The following AGAP5 variants were observed in gnomAD, a reference collection of about 807,000 sequenced individuals.
The protein encoded by AGAP5 is arf-GAP with GTPase, ANK repeat and PH domain-containing protein 5.
In AGAP5, 8 loss-of-function variants were observed where a neutral mutation model predicts 27.7. The ratio of observed to expected loss-of-function variants is 0.29; its 90% CI spans 0.17 to 0.52. The LOEUF (loss-of-function observed/expected upper bound fraction) is 0.52. Ranked by LOEUF, AGAP5 falls within the 20% of genes least tolerant of loss-of-function variation. The probability of loss-of-function intolerance (pLI) is 0.97; values close to 1 mark genes in which losing one functional copy is unlikely to be tolerated. For synonymous variants in AGAP5, 111 were observed against 338.0 expected (o/e 0.33, Z 7.37); for missense variants, 285 against 880.8 (o/e 0.32, Z 8.56).
At chr10:73,689,745 C>T (rs573930250) in intron 4 of AGAP5, among the ~76,000 whole-genome samples, 7 of 148,998 alleles carry the variant, frequency 4.7e-5, no homozygotes, top group Non-Finnish European at 8.9e-5. Context: ...GGAGCCCCTC[C>T]GCCTGGCAGC....
chr10:73,696,380 G>A (rs2082162437), intron 2 of AGAP5, among the ~76,000 whole-genome samples: 1 of 152,146 alleles, frequency 6.6e-6, no homozygotes, highest in Non-Finnish European at 1.5e-5. Context: ...GGACAAAGGG[G>A]GAGCCACGGC....
At chr10:73,692,374 A>C (rs2082126965) in intron 3 of AGAP5, among the ~76,000 whole-genome samples, 2 of 152,140 alleles carry the variant, frequency 1.3e-5, no homozygotes, top group Admixed American at 6.5e-5. Flanking sequence ...AGCTAATAAA[A>C]AGTTTAACTG....
intron 4 of AGAP5, among the ~76,000 whole-genome samples, chr10:73,688,312 A>G (rs3957128): frequency 2.6e-5 from 4 of 152,212 alleles, no homozygotes; most frequent in South Asian, 2.1e-4. Flanking sequence ...AAGATCCCCA[A>G]ATAATACACT....
chr10:73,689,051 G>A (rs1425546505), intron 4 of AGAP5, among the ~76,000 whole-genome samples: 5 of 152,148 alleles, frequency 3.3e-5, no homozygotes, highest in Non-Finnish European at 7.3e-5. Flanking sequence ...AAGCTGGACC[G>A]TACTGCTGCC....
intron 2 of AGAP5, among the ~76,000 whole-genome samples, chr10:73,696,235 C>A (rs1351637422): frequency 6.6e-6 from 1 of 151,936 alleles, no homozygotes; most frequent in South Asian, 2.1e-4. Context: ...CCAGGCTGGT[C>A]TCGAACTCCT....
chr10:73,687,964 G>A (rs1326074216), intron 4 of AGAP5, among the ~76,000 whole-genome samples: 3 of 152,092 alleles, frequency 2.0e-5, no homozygotes, highest in Non-Finnish European at 4.4e-5. Flanking sequence ...CTAAAGGCAG[G>A]TTGTGAACTT....
At chr10:73,687,089 TCA>T (rs1381923754) in intron 4 of AGAP5, among the ~76,000 whole-genome samples, 1 of 152,000 alleles carries the variant, frequency 6.6e-6, no homozygotes, top group Non-Finnish European at 1.5e-5. Context: ...CTTAGTCATG[TCA>T]CCAAATGCCA....
At chr10:73,690,014 C>T (rs1218035624) in intron 4 of AGAP5, among the ~76,000 whole-genome samples, 1 of 151,892 alleles carries the variant, frequency 6.6e-6, no homozygotes, top group African/African-American at 2.4e-5. Context: ...TGGCCAGCCG[C>T]CCTGTCCGGG....
chr10:73,691,119 C>CTTAACGATA (rs2082115020), intron 4 of AGAP5, among the ~76,000 whole-genome samples: 1 of 152,140 alleles, frequency 6.6e-6, no homozygotes, highest in Non-Finnish European at 1.5e-5. Context: ...CCAGAGGCTA[C>CTTAACGATA]TTAACGATAT....
At position 73,697,721 on chromosome 10, in the gene AGAP5, C is replaced by T; in HGVS notation, c.35G>A (p.Ser12Asn). Reference sequence around the variant, plus strand: ...TTGCTGGTCAAACTCGAGGCTGACGCTAGGGTGCACACAACAGGTCAGTAT... The same window carrying T: ...TTGCTGGTCAAACTCGAGGCTGACGTTAGGGTGCACACAACAGGTCAGTAT... ...GNILTCCVHP[S>N]VSLEFDQQQG... The change falls in exon 1 of 8, where the codon AGC becomes AAC. Residue 12 changes from serine to asparagine, a missense_variant. Ser to Asn is a conservative substitution (Grantham distance 46). Coordinates refer to ENST00000374094, the MANE Select transcript of AGAP5 (RefSeq NM_001144000.4). 3 of 1,597,878 alleles carry T rather than the reference C, an allele frequency of 1.9e-6. No homozygotes were observed. The highest frequency in any genetic ancestry group is 2.5e-6 in the Non-Finnish European group (3 of 1,179,782).
At chr10:73,678,967 C>T (rs548185003) in intron 6 of AGAP5, among the ~76,000 whole-genome samples, 4,433 of 151,252 alleles carry the variant, frequency 0.029, 69 homozygotes, top group Non-Finnish European at 0.045. Flanking sequence ...GATTCTCCTG[C>T]CTCAGCCTCC....
rs1360864982 is a variant in AGAP5, at chr10:73,697,782, C to T, written c.-27G>A. 2 of 1,596,978 alleles carry T rather than the reference C, an allele frequency of 1.3e-6. No homozygotes were observed. Among genetic ancestry groups the T allele is most frequent in the East Asian group, 4.5e-5 (2 of 44,872 alleles). ...GGGCGCCTCTACTGTCTGCCACCACCTGTGCCTCTGCTCACAGCTTTGGCC... is the reference window on the plus strand; with the variant it reads ...GGGCGCCTCTACTGTCTGCCACCACTTGTGCCTCTGCTCACAGCTTTGGCC... On this transcript the variant is annotated 5_prime_UTR_variant, in exon 1 of 8. Coordinates refer to ENST00000374094, the MANE Select transcript of AGAP5 (RefSeq NM_001144000.4).
chr10:73,697,300 G>C, intron 1 of AGAP5, 137 bp from the exon 2 acceptor site: 7 of 1,458,424 alleles, frequency 4.8e-6, no homozygotes, highest in Non-Finnish European at 5.5e-6. Flanking sequence ...TGAGATGAGA[G>C]AGCAAGAACT....
chr10:73,680,257 CATTTCTTTGTTTTT>C (rs2082013435), intron 5 of AGAP5, among the ~76,000 whole-genome samples, 151 bp from the exon 6 acceptor site: 2 of 127,580 alleles, frequency 1.6e-5, no homozygotes, highest in Non-Finnish European at 3.3e-5. Flanking sequence ...ACTTTGTTTT[CATTTCTTTGTTTTT>C]TACAAAAATA....
chr10:73,697,629 C>G lies in AGAP5; in HGVS notation c.127G>C (p.Ala43Pro), dbSNP rs2082172648. The part of the protein sequence containing the change: ...EAGAGDRMAG[A>P]PMAAAVQPAE... ...GGCTGCACAGCAGCAGCCATGGGCGCTCCTGCCATCCTGTCCCCAGCTCCT... is the reference window on the plus strand; with the variant it reads ...GGCTGCACAGCAGCAGCCATGGGCGGTCCTGCCATCCTGTCCCCAGCTCCT... Residue 43 changes from alanine to proline, a missense_variant, in exon 1 of 8, where the codon GCG (alanine) becomes CCG (proline). Coordinates refer to ENST00000374094, the MANE Select transcript of AGAP5 (RefSeq NM_001144000.4). The G allele has an allele frequency of 1.9e-6, 3 of 1,607,216 alleles. No homozygotes were observed. The highest frequency in any genetic ancestry group is 2.7e-5 in the African/African-American group (2 of 74,898).
At chr10:73,687,218 G>A (rs1044253727) in intron 4 of AGAP5, among the ~76,000 whole-genome samples, 1 of 152,122 alleles carries the variant, frequency 6.6e-6, no homozygotes, top group African/African-American at 2.4e-5. Flanking sequence ...CTCCTTTTGG[G>A]CAGGACAAAT....
At chr10:73,690,946 AAG>A (rs1371388654) in intron 4 of AGAP5, among the ~76,000 whole-genome samples, 21 of 152,338 alleles carry the variant, frequency 1.4e-4, no homozygotes, top group Admixed American at 1.2e-3. Flanking sequence ...CAAACATAAA[AAG>A]CAACAGGTGT....
chr10:73,694,572 CATA>C (rs2082145395), intron 3 of AGAP5, among the ~76,000 whole-genome samples, 161 bp downstream of exon 3: 1 of 152,146 alleles, frequency 6.6e-6, no homozygotes, highest in Non-Finnish European at 1.5e-5. Context: ...TCACTAACAT[CATA>C]ACAACTAAAG....
rs1456481944 is a variant in AGAP5 at position 73,675,259 on chromosome 10, C to A, written c.1401G>T (p.Leu467=). The A allele has an allele frequency of 6.2e-7, 1 of 1,610,008 alleles. No individual in the cohort carries two copies. The highest frequency in any genetic ancestry group is 1.7e-5 in the Admixed American group (1 of 59,810). ...QLTSQSEAMA[L]QSIQNMRGNA... ...TCCCACGCATGTTTTGGATCGACTG[C>A]AGGGCCATGGCCTCGCTCTGGCTGG... Residue 467 remains leucine, a synonymous_variant, in exon 8 of 8, where the codon CTG becomes CTT. Transcript: ENST00000374094.
Sources: gnomAD v4.1 joint callset for allele counts (sites outside exome capture counted in the v4.1 genomes callset) on GRCh38, gnomAD v4.1.1 for gene constraint, MANE v1.5 for transcripts, NCBI Gene and HGNC (gene_info 2026-07-23, HGNC 2026-07-21) for gene names.